Variants in PANX1 observed in about 807,000 individuals in gnomAD.
PANX1 encodes pannexin-1.
PANX1 carries 30 observed loss-of-function variants against 38.7 expected under a neutral mutation model. The ratio of observed to expected loss-of-function variants is 0.78; its 90% confidence interval spans 0.58 to 1.05. The LOEUF is 1.05. PANX1 is among the 50% of genes least tolerant of loss of function. The pLI is 0.00. For synonymous variants in PANX1, 230 were observed against 212.2 expected (o/e 1.08, Z -0.73); for missense variants, 551 against 517.2 (o/e 1.07, Z -0.63).
chr11:94,179,986 AAT>A lies in PANX1; in HGVS notation c.931_932del (p.Ile311ProfsTer5). On this transcript the variant is annotated frameshift_variant, in exon 4 of 5. Transcript: ENST00000227638. LOFTEE classifies it high-confidence loss of function. ...AGACAGATGTTCTCAAAGTGTACGA[AAT>A]CCTCCCCACTTTTGATGTTCTGCAT... ...QKTDVLKVYE[I>X]LPTFDVLHFK... is the part of the protein sequence containing the mutation. The A allele has an allele frequency of 3.8e-6, 6 of 1,595,386 alleles. No homozygotes were observed. The South Asian group carries it at 6.8e-5, about 18-fold the overall frequency.
At position 94,148,207 on chromosome 11, in the gene PANX1, C is replaced by A. The variant is rs184185358; in HGVS notation, c.182-5284C>A. ...GGCAGTAATGGACAATTTGGGACAT[C>A]CAGAATATATTTAATTTCATGTGTT... On this transcript the variant is annotated intron_variant, in intron 1 of 4. Transcript: ENST00000227638. Among the ~76,000 whole-genome samples, 320 of 152,228 alleles carry A rather than the reference C, an allele frequency of 2.1e-3. 1 individual carries two copies. Among genetic ancestry groups the A allele is most frequent in the Non-Finnish European group, 3.6e-3 (244 of 68,034 alleles).
intron 1 of PANX1, among the ~76,000 whole-genome samples, chr11:94,137,416 A>G (rs920503344): frequency 8.5e-5 from 13 of 152,174 alleles, no homozygotes; most frequent in Non-Finnish European, 1.5e-4. Context: ...TTTTTTCTGC[A>G]GCTGGTTGCT....
intron 1 of PANX1, among the ~76,000 whole-genome samples, chr11:94,148,060 G>GAA (rs955611001): frequency 6.7e-6 from 1 of 148,336 alleles, no homozygotes; most frequent in South Asian, 2.1e-4. Context: ...TGGTTTAAAG[G>GAA]AAAAAAAAAA....
rs139198736 is a variant in PANX1, at chr11:94,178,393, T to G, written c.346T>G (p.Phe116Val). 51 of 1,613,984 alleles carry G rather than the reference T, an allele frequency of 3.2e-5. No homozygotes were observed. The highest frequency in any genetic ancestry group is 1.3e-5 in the African/African-American group (1 of 74,918). Residue 116 changes from phenylalanine (F) to valine (V), a missense_variant, in exon 3 of 5, where the codon TTT becomes GTT. By Grantham distance (50) the Phe-to-Val change is conservative. Transcript: ENST00000227638. ...GTTTTTCCCCTACATCCTGCTGCTC[T>G]TTGCGATCCTCCTGTACCTGCCCCC... ...HKFFPYILLL[F>V]AILLYLPPLF...
rs1278157272 is a variant in PANX1, at chr11:94,180,175, C to T, written c.1119C>T (p.Ile373=). 9.9e-6 allele frequency: 16 copies of T among 1,613,722 alleles called. No individual in the cohort carries two copies. The highest frequency in any genetic ancestry group is 1.3e-5 in the African/African-American group (1 of 74,850). The change falls in exon 4 of 5, where the codon ATC becomes ATT. Residue 373 remains isoleucine (I), a synonymous_variant. Coordinates refer to ENST00000227638, the MANE Select transcript of PANX1 (RefSeq NM_015368.4). ...TACTCCTGACAAACCTTGGCATGATCAAGATGGATGTTGTTGATGGCAAAA... is the reference window on the plus strand; with the variant it reads ...TACTCCTGACAAACCTTGGCATGATTAAGATGGATGTTGTTGATGGCAAAA... ...PMLLLTNLGM[I]KMDVVDGKTP... is the part of the protein sequence containing the mutation.
intron 2 of PANX1, among the ~76,000 whole-genome samples, chr11:94,162,638 A>G (rs182650536): frequency 2.0e-5 from 3 of 152,284 alleles, no homozygotes; most frequent in African/African-American, 7.2e-5. Context: ...TGACTAGGAA[A>G]GGGAATTTCC....
Position 94,128,918 on chromosome 11 carries a change from T to G in PANX1, c.-395T>G, listed in dbSNP as rs189712669. 0.022 allele frequency: 3,509 copies of G among 156,982 alleles called. 38 individuals are homozygous for G. The highest frequency in any genetic ancestry group is 0.05 in the Middle Eastern group (16 of 320). The allele number at this position is 156,982 out of a possible 1,614,324, so 9.7% of individuals were successfully genotyped here. A position where few individuals can be genotyped will look rare whatever the true frequency, so the allele number is the denominator to read the frequency against. ...GCGCAGGGCTATCCCGGCGGCCGCT[T>G]CGGCAGCCAGGGCGGCGCGGAGGGG... On this transcript the variant is annotated 5_prime_UTR_variant, in exon 1 of 5. Transcript: ENST00000227638.
chr11:94,132,933 G>T (rs1946647900), intron 1 of PANX1, among the ~76,000 whole-genome samples: 1 of 152,162 alleles, frequency 6.6e-6, no homozygotes, highest in African/African-American at 2.4e-5. Flanking sequence ...GTGGGGGTGG[G>T]AGTGTTGTAG....
Position 94,180,219 on chromosome 11 carries a change from TGA to T in PANX1, c.1169_1170del (p.Glu390GlyfsTer17). Reference sequence around the variant, plus strand: ...GGCAAAACTCCCATGTCTGCAGAGATGAGAGAGGAGCAGGGGAACCAGACGGC... The same window carrying T: ...GGCAAAACTCCCATGTCTGCAGAGATGAGAGGAGCAGGGGAACCAGACGGC... On this transcript the variant is annotated frameshift_variant, in exon 4 of 5. Transcript: ENST00000227638. LOFTEE classifies it low-confidence loss of function (END_TRUNC). The T allele has an allele frequency of 1.2e-6, 2 of 1,611,070 alleles. No individual in the cohort carries two copies. Among genetic ancestry groups the T allele is most frequent in the East Asian group, 2.2e-5 (1 of 44,752 alleles).
chr11:94,180,803 C>A lies in PANX1; in HGVS notation c.1215C>A (p.Asp405Glu). The A allele has an allele frequency of 6.5e-7, 1 of 1,526,826 alleles. No homozygotes were observed. The highest frequency in any genetic ancestry group is 9.1e-7 in the Non-Finnish European group (1 of 1,100,376). 94.6% of individuals were successfully genotyped at this position (1,526,826 alleles called of 1,614,324 possible). ...QTAELQGMNI[D>E]SETKANNGEK... ...CAATTTTGACAGGTATGAACATAGA[C>A]AGTGAAACTAAAGCAAATAATGGAG... Residue 405 changes from aspartate to glutamate, a missense_variant, in exon 5 of 5, where the codon GAC becomes GAA. Transcript: ENST00000227638.
intron 2 of PANX1, among the ~76,000 whole-genome samples, chr11:94,162,095 A>T (rs1020723592): frequency 6.6e-6 from 1 of 152,114 alleles, no homozygotes; most frequent in African/African-American, 2.4e-5. Context: ...GTCTCAGAGG[A>T]GTACCTGGTT....
At chr11:94,163,519 A>G (rs565920894) in intron 2 of PANX1, among the ~76,000 whole-genome samples, 2 of 152,228 alleles carry the variant, frequency 1.3e-5, no homozygotes, top group Admixed American at 6.5e-5. Flanking sequence ...GATGTGATGT[A>G]TCAAATTTAT....
intron 2 of PANX1, among the ~76,000 whole-genome samples, chr11:94,177,526 G>A (rs1947247799): frequency 6.6e-6 from 1 of 152,124 alleles, no homozygotes; most frequent in African/African-American, 2.4e-5. Flanking sequence ...ATTGCCCAAG[G>A]CCGCAATGCT....
rs779678136 is a variant in PANX1 at position 94,178,438 on chromosome 11, G to T, written c.391G>T (p.Ala131Ser). 1.2e-6 allele frequency: 2 copies of T among 1,614,110 alleles called. No homozygotes were observed. The highest frequency in any genetic ancestry group is 1.3e-5 in the African/African-American group (1 of 75,038). Residue 131 changes from alanine to serine, a missense_variant, in exon 3 of 5, where the codon GCT (alanine) becomes TCT (serine). By Grantham distance (99) the Ala-to-Ser change is moderately conservative (BLOSUM62 1). Transcript: ENST00000227638. The stretch of plus-strand genomic sequence containing the variant: ...GCCCCCGCTGTTCTGGCGTTTCGCA[G>T]CTGCTCCTCATATTTGCTCAGACTT... ...YLPPLFWRFAAAPHICSDLKF... is the reference protein window; with the variant it reads ...YLPPLFWRFASAPHICSDLKF...
chr11:94,135,340 C>T (rs1246010633), intron 1 of PANX1, among the ~76,000 whole-genome samples: 2 of 152,240 alleles, frequency 1.3e-5, no homozygotes, highest in South Asian at 4.1e-4. Context: ...ATAGATATAA[C>T]TGCAGCTGCT....
At chr11:94,145,251 A>G (rs1025436554) in intron 1 of PANX1, among the ~76,000 whole-genome samples, 2 of 152,114 alleles carry the variant, frequency 1.3e-5, no homozygotes, top group Non-Finnish European at 2.9e-5. Flanking sequence ...CTCTTTGTGC[A>G]TTTAGTCCTT....
chr11:94,140,772 TATC>T (rs1946753011), intron 1 of PANX1, among the ~76,000 whole-genome samples: 2 of 152,226 alleles, frequency 1.3e-5, no homozygotes, highest in African/African-American at 4.8e-5. Flanking sequence ...TATTGGTATT[TATC>T]ATATTAGAAA....
chr11:94,129,550 C>A, intron 1 of PANX1, 57 bp downstream of exon 1: 1 of 1,481,186 alleles, frequency 6.8e-7, no homozygotes, highest in Non-Finnish European at 9.2e-7. Context: ...CGGTGAGCTG[C>A]GATTTTACGG....
chr11:94,166,966 A>C (rs1311791268), intron 2 of PANX1, among the ~76,000 whole-genome samples: 2 of 150,728 alleles, frequency 1.3e-5, no homozygotes, highest in Admixed American at 6.7e-5. Flanking sequence ...CCTGATTGGC[A>C]CTCAGATTTA....
Sources: allele counts gnomAD v4.1 joint callset (sites outside exome capture counted in the v4.1 genomes callset), GRCh38; gene constraint gnomAD v4.1.1; transcripts MANE v1.5; gene names NCBI Gene and HGNC (gene_info 2026-07-23, HGNC 2026-07-21).